The following XPO1 variants were observed in gnomAD, a reference collection of about 807,000 sequenced individuals.
The protein encoded by XPO1 is exportin-1.
XPO1 carries 5 observed loss-of-function variants against 133.3 expected under a neutral mutation model. The observed-to-expected ratio is 0.04, with a 90% CI of 0.02 to 0.08. XPO1 has a LOEUF of 0.08. Ranked by LOEUF, XPO1 falls within the 10% of genes least tolerant of loss-of-function variation. The pLI is 1.00. For missense variants in XPO1, 506 were observed against 1,267.5 expected (o/e 0.40, Z 9.12); for synonymous variants, 419 against 408.2 (o/e 1.03, Z -0.32).
intron 4 of XPO1, among the ~76,000 whole-genome samples, chr2:61,515,328 A>G (rs532132014): frequency 2.1e-4 from 32 of 152,348 alleles, no homozygotes; most frequent in South Asian, 4.1e-4. Context: ...AATATCTTCA[A>G]TACTACAGGA....
At chr2:61,502,919 C>T (rs1319866360) in intron 4 of XPO1, among the ~76,000 whole-genome samples, 8 of 151,066 alleles carry the variant, frequency 5.3e-5, no homozygotes, top group African/African-American at 1.7e-4. Context: ...TAACAAACTG[C>T]TATTCCAGTT....
At chr2:61,517,910 TG>T (rs1350278108) in intron 4 of XPO1, among the ~76,000 whole-genome samples, 1 of 152,068 alleles carries the variant, frequency 6.6e-6, no homozygotes, top group African/African-American at 2.4e-5. Flanking sequence ...GAGGATCACC[TG>T]AAGTCAGGAG....
At chr2:61,484,194 A>G in intron 20 of XPO1, 89 bp from the exon 21 acceptor site, 1 of 1,199,220 alleles carries the variant, frequency 8.3e-7, no homozygotes, top group Non-Finnish European at 1.2e-6. Flanking sequence ...TCCAGTATAA[A>G]TATTTGGAGT....
chr2:61,537,062 T>G (rs1027124573), intron 1 of XPO1: 1 of 152,200 alleles, frequency 6.6e-6, no homozygotes, highest in Non-Finnish European at 1.5e-5. Context: ...CGAGTTTCCT[T>G]GCTGGAGGAA....
intron 17 of XPO1, among the ~76,000 whole-genome samples, chr2:61,489,405 C>A (rs1696854945): frequency 1.7e-5 from 2 of 117,482 alleles, no homozygotes; most frequent in South Asian, 6.2e-4. Context: ...AAGAGTGAAA[C>A]TCCATCTCAA....
At chr2:61,489,204 G>A (rs1013345556) in intron 17 of XPO1, among the ~76,000 whole-genome samples, 2 of 151,866 alleles carry the variant, frequency 1.3e-5, no homozygotes, top group African/African-American at 4.8e-5. Context: ...ACCTGAGGTC[G>A]GGAGTTCAAG....
At chr2:61,535,774 A>T (rs1699332401) in intron 1 of XPO1, among the ~76,000 whole-genome samples, 1 of 152,212 alleles carries the variant, frequency 6.6e-6, no homozygotes, top group Admixed American at 6.5e-5. Context: ...GTTTTTAAAC[A>T]GCAGAATACT....
intron 11 of XPO1, chr2:61,494,458 A>G: frequency 5.1e-6 from 1 of 196,794 alleles, no homozygotes. Context: ...TATTCTTCAG[A>G]CATGATAAAA....
Position 61,486,047 on chromosome 2 carries a change from A to AT in XPO1, c.2314-86dup, listed in dbSNP as rs370300312. ...CAACAAGGTTATTCCTGTCTATGAG[A>AT]TGTAGCATGATCATCTACTGAAAAC... On this transcript the variant is annotated intron_variant, in intron 19 of 24. Coordinates refer to ENST00000401558, the MANE Select transcript of XPO1 (RefSeq NM_003400.4). 547 of 1,238,908 alleles carry AT rather than the reference A, an allele frequency of 4.4e-4. 5 individuals carry two copies. The African/African-American group carries it at 7.5e-3, about 17-fold the overall frequency. The allele number at this position is 1,238,908 out of a possible 1,614,324, so 76.7% of individuals were successfully genotyped here. A position where few individuals can be genotyped will look rare whatever the true frequency, so the allele number is the denominator to read the frequency against.
chr2:61,506,379 C>T lies in XPO1; in HGVS notation c.302-4069G>A, dbSNP rs371607251. ...TGGACAATGCAGTGAGCTGAGATCG[C>T]GCCACTGCACTCAAGCCTGGGTGAC... On this transcript the variant is annotated intron_variant, in intron 4 of 24. Transcript: ENST00000401558. Among the ~76,000 whole-genome samples, 33 of 152,180 alleles carry T rather than the reference C, an allele frequency of 2.2e-4. No homozygotes were observed. In the East Asian group the frequency reaches 3.5e-3, roughly 16 times the overall value.
At chr2:61,504,603 C>T (rs1270863583) in intron 4 of XPO1, among the ~76,000 whole-genome samples, 1 of 152,076 alleles carries the variant, frequency 6.6e-6, no homozygotes, top group African/African-American at 2.4e-5. Flanking sequence ...ATGTTCCAAG[C>T]CTCATCTGGC....
At chr2:61,490,912 T>A (rs1027894257) in intron 16 of XPO1, 136 bp from the exon 17 acceptor site, 2 of 1,107,848 alleles carry the variant, frequency 1.8e-6, no homozygotes, top group African/African-American at 3.1e-5. Context: ...CCCAATACTT[T>A]GAGAAGCCAA....
In XPO1 at chr2:61,486,044, G is replaced by C. The variant is rs1395839964; in HGVS notation, c.2314-82C>G. ...AAACAACAAGGTTATTCCTGTCTAT[G>C]AGATGTAGCATGATCATCTACTGAA... On this transcript the variant is annotated intron_variant, in intron 19 of 24. Transcript: ENST00000401558. The C allele has an allele frequency of 2.6e-5, 33 of 1,285,136 alleles. No individual in the cohort carries two copies. The South Asian group carries it at 4.7e-4, about 18-fold the overall frequency. 79.6% of individuals were successfully genotyped at this position (1,285,136 alleles called of 1,614,324 possible). A position where few individuals can be genotyped will look rare whatever the true frequency, so the allele number is the denominator to read the frequency against.
intron 4 of XPO1, among the ~76,000 whole-genome samples, chr2:61,513,383 T>G (rs1233700938): frequency 1.1e-5 from 1 of 89,798 alleles, no homozygotes; most frequent in African/African-American, 4.3e-5. Flanking sequence ...TTTTTTTTTT[T>G]GAGAGAGAGT....
At position 61,526,423 on chromosome 2, in the gene XPO1, C is replaced by T. The variant is rs747470901; in HGVS notation, c.225G>A (p.Thr75=). The T allele has an allele frequency of 8.7e-6, 14 of 1,606,386 alleles. No individual in the cohort carries two copies. Among genetic ancestry groups the T allele is most frequent in the Non-Finnish European group, 1.1e-5 (13 of 1,178,114 alleles). The change falls in exon 3 of 25, where the codon ACG becomes ACA. Residue 75 remains threonine, a synonymous_variant. Coordinates refer to ENST00000401558, the MANE Select transcript of XPO1 (RefSeq NM_003400.4). The part of the protein sequence containing the change: ...TILEFSQNMN[T]KYYGLQILEN... ...TTTAAAACCACCACTTGCTTACTTTCGTATTCATATTCTGAGAAAATTCCA... is the reference window on the plus strand; with the variant it reads ...TTTAAAACCACCACTTGCTTACTTTTGTATTCATATTCTGAGAAAATTCCA...
At chr2:61,513,809 A>G (rs572091921) in intron 4 of XPO1, among the ~76,000 whole-genome samples, 3 of 152,226 alleles carry the variant, frequency 2.0e-5, no homozygotes, top group Non-Finnish European at 4.4e-5. Flanking sequence ...AACACTTGCA[A>G]AATATACAGT....
intron 16 of XPO1, among the ~76,000 whole-genome samples, chr2:61,491,081 A>T (rs1197259053): frequency 1.3e-5 from 2 of 152,076 alleles, no homozygotes; most frequent in Non-Finnish European, 2.9e-5. Context: ...CCTGGGAGGC[A>T]GAGGTTGCAG....
chr2:61,536,422 G>T (rs897107639), intron 1 of XPO1: 2 of 152,188 alleles, frequency 1.3e-5, no homozygotes, highest in African/African-American at 4.8e-5. Context: ...CCACTCACTG[G>T]ATAACATACA....
rs190489390 is a variant in XPO1 at position 61,493,917 on chromosome 2, G to T, written c.1222C>A (p.Leu408Ile). 1.2e-6 allele frequency: 2 copies of T among 1,614,104 alleles called. No homozygotes were observed. The highest frequency in any genetic ancestry group is 3.3e-5 in the Admixed American group (2 of 60,008). The change falls in exon 12 of 25, where the codon CTA (leucine) becomes ATA (isoleucine). Residue 408 changes from leucine to isoleucine, a missense_variant. Leu to Ile is a conservative substitution (Grantham distance 5). Coordinates refer to ENST00000401558, the MANE Select transcript of XPO1 (RefSeq NM_003400.4). ...ACCTTGAATAACATGGGCAAATATA[G>T]CTGTCTCCTGGGAGGAACATCAAAA... Reference protein sequence around the residue: ...QHFDVPPRRQLYLPMLFKVRL... With the variant: ...QHFDVPPRRQIYLPMLFKVRL...
Sources: allele counts gnomAD v4.1 joint callset (sites outside exome capture counted in the v4.1 genomes callset), GRCh38; gene constraint gnomAD v4.1.1; transcripts MANE v1.5; gene names NCBI Gene and HGNC (gene_info 2026-07-23, HGNC 2026-07-21).